ARHGAP39: variants seen among roughly 807,000 people sequenced by gnomAD.
ARHGAP39 encodes the protein Rho GTPase activating protein 39.
Under a neutral mutation model 106.9 loss-of-function variants are expected in ARHGAP39, and 44 were observed. The observed-to-expected ratio is 0.41, with a 90% CI of 0.32 to 0.53. The LOEUF (loss-of-function observed/expected upper bound fraction) is 0.53. Among genes scored for constraint, ARHGAP39 ranks in the 20% least tolerant of loss-of-function variants. ARHGAP39 has a pLI of 0.21. For synonymous variants in ARHGAP39, 768 were observed against 693.2 expected (o/e 1.11, Z -1.69); for missense variants, 1,496 against 1,577.3 (o/e 0.95, Z 0.87).
At position 144,585,198 on chromosome 8, in the gene ARHGAP39, C is replaced by A. The variant is rs1371447036; in HGVS notation, c.81-3921G>T. Among the ~76,000 whole-genome samples the A allele has an allele frequency of 6.6e-6, 1 of 152,158 alleles. No individual in the cohort carries two copies. Among genetic ancestry groups the A allele is most frequent in the African/African-American group, 2.4e-5 (1 of 41,442 alleles). ...CCACAGCAGGGAGAACTGGGACCCC[C>A]CAGAAGCCTCTGCCGGTCCCAGCTC... is the stretch of plus-strand genomic sequence containing the variant. On this transcript the variant is annotated intron_variant, in intron 2 of 11. Transcript: ENST00000377307. The surrounding 1 kb of genome is among the most constrained non-coding windows in gnomAD (Gnocchi z 4.6).
chr8:144,537,644 GAGA>G (rs1190912651), intron 7 of ARHGAP39, 74 bp downstream of exon 7: 4 of 1,204,396 alleles, frequency 3.3e-6, no homozygotes, highest in Admixed American at 1.9e-5. Context: ...GGTTAGAGAA[GAGA>G]AGGCCAGGCG....
chr8:144,633,660 C>A (rs751283180), intron 1 of ARHGAP39, among the ~76,000 whole-genome samples: 1 of 152,086 alleles, frequency 6.6e-6, no homozygotes, highest in Non-Finnish European at 1.5e-5. Flanking sequence ...TAACATGGAC[C>A]ATGAGAACAA....
chr8:144,577,160 T>C (rs2130893688), intron 3 of ARHGAP39, among the ~76,000 whole-genome samples: 1 of 152,348 alleles, frequency 6.6e-6, no homozygotes, highest in Non-Finnish European at 1.5e-5. Context: ...TGTGTTTAAC[T>C]GCAGGCATGA....
chr8:144,673,231 GAAGA>G (rs1273056338), intron 1 of ARHGAP39, among the ~76,000 whole-genome samples: 4 of 141,052 alleles, frequency 2.8e-5, no homozygotes, highest in African/African-American at 9.2e-5. Flanking sequence ...AAAAAAAGAG[GAAGA>G]AAGAAAAGAA....
chr8:144,661,130 A>T (rs1278233732), intron 1 of ARHGAP39, among the ~76,000 whole-genome samples: 1 of 152,120 alleles, frequency 6.6e-6, no homozygotes, highest in Non-Finnish European at 1.5e-5. Context: ...GTGAAAACAC[A>T]TGCAGTCCTA....
intron 1 of ARHGAP39, among the ~76,000 whole-genome samples, chr8:144,620,736 T>C (rs1424430113): frequency 1.3e-5 from 2 of 152,238 alleles, no homozygotes; most frequent in African/African-American, 4.8e-5. Flanking sequence ...CCCAGTGGGC[T>C]GCCCTGAGCA....
rs114707615 is a variant in ARHGAP39 at position 144,581,391 on chromosome 8, G to C, written c.81-114C>G. 2.3e-3 allele frequency: 2,746 copies of C among 1,216,142 alleles called. 53 individuals carry two copies. In the African/African-American group the frequency reaches 0.039, roughly 17 times the overall value. The allele number at this position is 1,216,142 out of a possible 1,614,324, so 75.3% of individuals were successfully genotyped here. A position where few individuals can be genotyped will look rare whatever the true frequency, so the allele number is the denominator to read the frequency against. ...TGCGAAACCCAGAAATCCTGTCATA[G>C]AGGAAAGCAAACCCAAGCCCAGTCC... is the stretch of plus-strand genomic sequence containing the variant. On this transcript the variant is annotated intron_variant, in intron 2 of 11. Coordinates refer to ENST00000377307, the MANE Select transcript of ARHGAP39 (RefSeq NM_025251.3).
chr8:144,534,003 C>G, intron 8 of ARHGAP39, 126 bp downstream of exon 8: 1 of 1,074,044 alleles, frequency 9.3e-7, no homozygotes, highest in South Asian at 1.4e-5. Context: ...CCCGCCTAGG[C>G]GGGCTCCATG....
intron 1 of ARHGAP39, among the ~76,000 whole-genome samples, chr8:144,677,710 T>G (rs1184283297): frequency 2.0e-5 from 3 of 152,192 alleles, no homozygotes; most frequent in African/African-American, 7.2e-5. Context: ...ATACACTTGT[T>G]TGCTTGCAAA....
chr8:144,618,818 C>T (rs969726051), intron 1 of ARHGAP39, among the ~76,000 whole-genome samples: 1 of 152,262 alleles, frequency 6.6e-6, no homozygotes, highest in African/African-American at 2.4e-5. Flanking sequence ...CTGCCTACCT[C>T]CTCCCGAGGC....
rs991153938 is a variant in ARHGAP39, at chr8:144,671,850, G to A, written c.-82+13836C>T. ...GTCGGGGGTATCTGACTGGCAAGTGGCTGGCACATACAGGCAACAGTAAAG... is the reference window on the plus strand; with the variant it reads ...GTCGGGGGTATCTGACTGGCAAGTGACTGGCACATACAGGCAACAGTAAAG... On this transcript the variant is annotated intron_variant, in intron 1 of 11. Transcript: ENST00000377307. This position sits in a 1 kb window ranked among gnomAD's most constrained non-coding sequence, Gnocchi z 4.5. 4.8e-4 allele frequency among the ~76,000 whole-genome samples: 73 copies of A among 152,340 alleles called. No homozygotes were observed. Among genetic ancestry groups the A allele is most frequent in the African/African-American group, 1.7e-3 (69 of 41,576 alleles).
At chr8:144,629,197 G>GT (rs771750292) in intron 1 of ARHGAP39, among the ~76,000 whole-genome samples, 16 of 152,252 alleles carry the variant, frequency 1.1e-4, no homozygotes, top group Non-Finnish European at 2.2e-4. Flanking sequence ...GGTATCTTCT[G>GT]TAACGGAAGG....
At position 144,585,241 on chromosome 8, in the gene ARHGAP39, TCA is replaced by T. The variant is rs1819136347; in HGVS notation, c.81-3966_81-3965del. 2.0e-5 allele frequency among the ~76,000 whole-genome samples: 3 copies of T among 151,756 alleles called. No individual in the cohort carries two copies. In the South Asian group the frequency reaches 6.3e-4, roughly 32 times the overall value. ...CCCAGCTCCAGATGCAATGGCAGAC[TCA>T]CTCTTCTTCCCAAGGGCCTCACCTG... On this transcript the variant is annotated intron_variant, in intron 2 of 11. Transcript: ENST00000377307. This position sits in a 1 kb window ranked among gnomAD's most constrained non-coding sequence, Gnocchi z 4.6.
At chr8:144,545,934 T>G (rs954537161) in intron 5 of ARHGAP39, 124 bp from the exon 6 acceptor site, 1 of 791,630 alleles carries the variant, frequency 1.3e-6, no homozygotes, top group Non-Finnish European at 1.9e-6. Context: ...GTGAGAGCCC[T>G]GCCCTGCTCA....
At chr8:144,652,645 A>C (rs1251935191) in intron 1 of ARHGAP39, among the ~76,000 whole-genome samples, 1 of 152,230 alleles carries the variant, frequency 6.6e-6, no homozygotes, top group Non-Finnish European at 1.5e-5. Flanking sequence ...TCTCCTTAGC[A>C]AACTAACACA....
rs1277480313 is a variant in ARHGAP39, at chr8:144,644,338, G to C, written c.-81-38643C>G. On this transcript the variant is annotated intron_variant, in intron 1 of 11. Transcript: ENST00000377307. The surrounding 1 kb of genome is among the most constrained non-coding windows in gnomAD (Gnocchi z 4.8). ...AGTCAGACACAAAAGATGACATATT[G>C]TAGGATTCCATGTCCATGAAGTGAC... 6.6e-6 allele frequency among the ~76,000 whole-genome samples: 1 copy of C among 152,188 alleles called. No individual in the cohort carries two copies. Among genetic ancestry groups the C allele is most frequent in the Non-Finnish European group, 1.5e-5 (1 of 68,038 alleles).
intron 3 of ARHGAP39, among the ~76,000 whole-genome samples, chr8:144,562,071 CTCCAGTGGTTTCCATCGGACTTA>C (rs1818197910): frequency 7.7e-6 from 1 of 129,236 alleles, no homozygotes; most frequent in African/African-American, 3.8e-5. Flanking sequence ...ATCGGACTTA[CTCCAGTGGTTTCCATCGGACTTA>C]CTCCAGTGGT....
chr8:144,562,824 A>ACACTCCAGTGGTTTCCATCGGACT (rs1818251310), intron 3 of ARHGAP39, among the ~76,000 whole-genome samples: 2 of 147,694 alleles, frequency 1.4e-5, no homozygotes, highest in Non-Finnish European at 3.0e-5. Context: ...GGTTTCCATC[A>ACACTCCAGTGGTTTCCATCGGACT]CACTCCAGTG....
At chr8:144,624,025 G>A (rs967130582) in intron 1 of ARHGAP39, among the ~76,000 whole-genome samples, 1 of 152,204 alleles carries the variant, frequency 6.6e-6, no homozygotes, top group Non-Finnish European at 1.5e-5. Flanking sequence ...AGAGCTGACG[G>A]AGCAGCCTCG....
Sources: allele counts gnomAD v4.1 joint callset (sites outside exome capture counted in the v4.1 genomes callset), GRCh38; gene constraint gnomAD v4.1.1; non-coding constraint Gnocchi (gnomAD v3.1); transcripts MANE v1.5; gene names NCBI Gene and HGNC (gene_info 2026-07-23, HGNC 2026-07-21).